HTT-AS: variants seen among roughly 807,000 people sequenced by gnomAD.
HTT-AS encodes the protein HTT antisense RNA.
chr4:3,071,806 C>T (rs1179198264), intron 1 of HTT-AS, among the ~76,000 whole-genome samples: 3 of 152,260 alleles, frequency 2.0e-5, no homozygotes, highest in Middle Eastern at 3.4e-3. Flanking sequence ...GGGACGGCCA[C>T]GTGAGGACAC....
intron 1 of HTT-AS, among the ~76,000 whole-genome samples, chr4:3,066,033 TAA>T (rs1281573204): frequency 8.5e-5 from 13 of 152,188 alleles, no homozygotes; most frequent in African/African-American, 2.7e-4. Context: ...CAGACAAACA[TAA>T]ACATTAACAG....
intron 1 of HTT-AS, among the ~76,000 whole-genome samples, chr4:3,065,320 G>A (rs900173417): frequency 6.6e-6 from 1 of 151,000 alleles, no homozygotes; most frequent in Non-Finnish European, 1.5e-5. Context: ...CTCACTGCAC[G>A]CCCCCCGCCT....
chr4:3,071,657 A>C (rs1236113298), intron 1 of HTT-AS, among the ~76,000 whole-genome samples: 3 of 152,170 alleles, frequency 2.0e-5, no homozygotes, highest in African/African-American at 7.2e-5. Flanking sequence ...TGATGTCCTA[A>C]GCCCCAGAAC....
At chr4:3,061,851 G>A (rs1290213560) in intron 2 of HTT-AS, among the ~76,000 whole-genome samples, 2 of 151,280 alleles carry the variant, frequency 1.3e-5, no homozygotes, top group Non-Finnish European at 2.9e-5. Context: ...GTGTGGTGGC[G>A]AGCACCTGTA....
At chr4:3,057,568 A>G (rs1364596622) in intron 2 of HTT-AS, among the ~76,000 whole-genome samples, 1 of 152,214 alleles carries the variant, frequency 6.6e-6, no homozygotes, top group Non-Finnish European at 1.5e-5. Flanking sequence ...GGAATAGAGA[A>G]TGGCTACTCC....
intron 1 of HTT-AS, among the ~76,000 whole-genome samples, chr4:3,067,766 G>A (rs201264181): frequency 2.0e-5 from 3 of 152,286 alleles, no homozygotes; most frequent in Middle Eastern, 3.4e-3. Context: ...TCTGGAGCTG[G>A]TATAGGTAAG....
At chr4:3,069,006 T>C (rs1056958069) in intron 1 of HTT-AS, among the ~76,000 whole-genome samples, 1 of 152,118 alleles carries the variant, frequency 6.6e-6, no homozygotes, top group African/African-American at 2.4e-5. Flanking sequence ...ACCCTCCAAA[T>C]TGGGAGAAAC....
At chr4:3,049,809 C>G (rs1037108838) in intron 2 of HTT-AS, among the ~76,000 whole-genome samples, 1 of 151,850 alleles carries the variant, frequency 6.6e-6, no homozygotes, top group Non-Finnish European at 1.5e-5. Flanking sequence ...TTATACAACC[C>G]GGAAAACATG....
downstream of HTT-AS, among the ~76,000 whole-genome samples, chr4:3,049,008 G>A (rs1253831457): frequency 2.0e-5 from 3 of 152,184 alleles, no homozygotes; most frequent in Admixed American, 1.3e-4. Flanking sequence ...AAAGTTATCC[G>A]TGTATAAGGC....
downstream of HTT-AS, among the ~76,000 whole-genome samples, chr4:3,046,145 T>A (rs1193292805): frequency 6.6e-6 from 1 of 152,210 alleles, no homozygotes; most frequent in East Asian, 1.9e-4. Context: ...CAAATTAAAT[T>A]TAAATGAGTT....
intron 1 of HTT-AS, among the ~76,000 whole-genome samples, chr4:3,065,728 A>C (rs756528321): frequency 6.6e-6 from 1 of 152,238 alleles, no homozygotes; most frequent in Non-Finnish European, 1.5e-5. Context: ...AGCACAGTCT[A>C]CTGCAGAGCA....
intron 2 of HTT-AS, among the ~76,000 whole-genome samples, chr4:3,061,935 T>G (rs550161686): frequency 5.5e-5 from 7 of 126,612 alleles, no homozygotes; most frequent in Admixed American, 5.1e-4. Flanking sequence ...TGAGCCGAGA[T>G]CACACCACTG....
At chr4:3,051,961 G>A (rs202099431) in intron 2 of HTT-AS, among the ~76,000 whole-genome samples, 161 of 152,158 alleles carry the variant, frequency 1.1e-3, no homozygotes, top group Middle Eastern at 3.4e-3. Flanking sequence ...ACCATGTGGC[G>A]GTTACTTGGT....
At chr4:3,068,796 A>G (rs543739107) in intron 1 of HTT-AS, among the ~76,000 whole-genome samples, 13 of 152,144 alleles carry the variant, frequency 8.5e-5, no homozygotes, top group African/African-American at 3.1e-4. Flanking sequence ...CTGAGATTAC[A>G]GGTGCCTGGC....
intron 2 of HTT-AS, among the ~76,000 whole-genome samples, chr4:3,057,201 T>C (rs1211958450): frequency 6.6e-6 from 1 of 152,090 alleles, no homozygotes; most frequent in East Asian, 1.9e-4. Flanking sequence ...GCCCAGCTAA[T>C]TTTTTGTATC....
chr4:3,074,176 C>T, intron 1 of HTT-AS, among the ~76,000 whole-genome samples: 1 of 132,988 alleles, frequency 7.5e-6, no homozygotes, highest in Non-Finnish European at 1.6e-5. Flanking sequence ...CGCCCCTCAG[C>T]CGCCCCGCCC....
chr4:3,060,576 T>G (rs1460956038), intron 2 of HTT-AS, among the ~76,000 whole-genome samples: 1 of 152,226 alleles, frequency 6.6e-6, no homozygotes, highest in Non-Finnish European at 1.5e-5. Flanking sequence ...TAAGGTTTTC[T>G]TTTCAATGAA....
rs1337777215 is a variant in HTT-AS at position 3,049,097 on chromosome 4, T to C, written n.1982A>G. Among the ~76,000 whole-genome samples, 4 of 152,176 alleles carry C rather than the reference T, an allele frequency of 2.6e-5. No individual in the cohort carries two copies. The East Asian group carries it at 7.7e-4, about 29-fold the overall frequency. On this transcript the variant is annotated non_coding_transcript_exon_variant, in exon 3 of 3. Coordinates refer to ENST00000664062, the Ensembl canonical transcript of HTT-AS. ...ATCGTCTTTTCATTTCTATTATTCA[T>C]AGAGGCATAAGCAAGGAACAGATAC...
intron 1 of HTT-AS, among the ~76,000 whole-genome samples, chr4:3,071,088 C>G (rs1483237317): frequency 1.3e-5 from 2 of 152,208 alleles, no homozygotes; most frequent in Non-Finnish European, 2.9e-5. Context: ...TCAGCCATGG[C>G]TGAAGCAGTT....
Sources: allele counts gnomAD v4.1 joint callset (sites outside exome capture counted in the v4.1 genomes callset), GRCh38; gene constraint gnomAD v4.1.1; transcripts MANE v1.5; gene names NCBI Gene and HGNC (gene_info 2026-07-23, HGNC 2026-07-21).